Variants in USP50 observed in about 807,000 individuals in gnomAD.
USP50 encodes the protein ubiquitin specific peptidase 50.
USP50 carries 37 observed loss-of-function variants against 39.2 expected under a neutral mutation model. That is an observed-to-expected ratio of 0.94 (90% CI 0.73 to 1.24). The LOEUF (loss-of-function observed/expected upper bound fraction) is 1.24. Ranked by LOEUF, USP50 falls within the 50% of genes most tolerant of loss-of-function variation. The pLI is 0.00. For missense variants in USP50, 374 were observed against 398.2 expected, an observed-to-expected ratio of 0.94 and a Z score of 0.52; for synonymous variants, 139 against 144.5, an observed-to-expected ratio of 0.96 and a Z score of 0.27.
At chr15:50,532,031 CAGAAACCTCT>C in intron 5 of USP50, 1 of 431,264 alleles carries the variant, frequency 2.3e-6, no homozygotes, top group Non-Finnish European at 4.6e-6. Context: ...AACTGCCGAG[CAGAAACCTCT>C]GAGGGAACAG....
At chr15:50,509,563 A>C (rs979606788) in intron 6 of USP50, 6 of 151,040 alleles carry the variant, frequency 4.0e-5, no homozygotes, top group Admixed American at 2.0e-4. Flanking sequence ...CAGGAGAATG[A>C]CTTGAACCCG....
intron 6 of USP50, among the ~76,000 whole-genome samples, chr15:50,527,826 G>A (rs1451592514): frequency 2.0e-5 from 3 of 151,502 alleles, no homozygotes; most frequent in Admixed American, 6.6e-5. Context: ...TAGTAGAGAC[G>A]GGGTTTCACC....
intron 5 of USP50, among the ~76,000 whole-genome samples, chr15:50,532,671 G>A (rs960104907): frequency 6.6e-6 from 1 of 152,166 alleles, no homozygotes; most frequent in African/African-American, 2.4e-5. Context: ...AGATAGCGCA[G>A]GGGTGTGGGA....
chr15:50,503,788 A>G (rs2052622240), intron 6 of USP50: 2 of 152,240 alleles, frequency 1.3e-5, no homozygotes. Flanking sequence ...CAGACCTAAC[A>G]GGATATCCAC....
At chr15:50,531,727 T>C (rs919964526) in intron 5 of USP50, among the ~76,000 whole-genome samples, 1 of 151,848 alleles carries the variant, frequency 6.6e-6, no homozygotes, top group Non-Finnish European at 1.5e-5. Flanking sequence ...TTGAAGGGGC[T>C]CCCACTGGCC....
chr15:50,531,312 C>T (rs556621334), intron 5 of USP50, among the ~76,000 whole-genome samples: 1 of 152,250 alleles, frequency 6.6e-6, no homozygotes, highest in South Asian at 2.1e-4. Flanking sequence ...CTGTAAACAA[C>T]CCAAACGTCC....
intron 6 of USP50, chr15:50,508,305 TTAAAAA>T (rs1042571731): frequency 3.3e-5 from 5 of 152,290 alleles, no homozygotes; most frequent in Admixed American, 2.0e-4. Context: ...TGAGAATGTC[TTAAAAA>T]TAATACGATG....
At position 50,526,345 on chromosome 15, in the gene USP50, C is replaced by A. The variant is rs145322375; in HGVS notation, c.936+3452G>T. 4.0e-3 allele frequency among the ~76,000 whole-genome samples: 610 copies of A among 152,268 alleles called. 5 individuals carry two copies. Among genetic ancestry groups the A allele is most frequent in the African/African-American group, 0.014 (576 of 41,552 alleles). ...AAAGTGCTGGGACTACAGGCGTGAG[C>A]CACTGCTCCTGGCCTGTATTTTATT... On this transcript the variant is annotated intron_variant, in intron 6 of 6. Transcript: ENST00000532404.
intron 6 of USP50, chr15:50,508,893 G>A (rs1042740638): frequency 2.0e-5 from 3 of 151,656 alleles, no homozygotes; most frequent in Middle Eastern, 6.4e-3. Flanking sequence ...CCAGCACTTT[G>A]GGAGGCCGAG....
intron 6 of USP50, among the ~76,000 whole-genome samples, chr15:50,522,662 TTTTTA>T (rs2052859402): frequency 6.6e-6 from 1 of 152,092 alleles, no homozygotes; most frequent in African/African-American, 2.4e-5. Flanking sequence ...AACATCATAT[TTTTTA>T]TTTTATTTTT....
At chr15:50,515,398 C>T (rs755610455) in intron 6 of USP50, among the ~76,000 whole-genome samples, 10 of 152,044 alleles carry the variant, frequency 6.6e-5, no homozygotes, top group South Asian at 2.1e-4. Context: ...TGTGCCACCA[C>T]GCCCGGCTAA....
chr15:50,493,159 G>A (rs1000094384), downstream of USP50: 8 of 578,794 alleles, frequency 1.4e-5, no homozygotes, highest in Admixed American at 2.2e-5. Flanking sequence ...GGACAGACTC[G>A]TCCTGTCGAG....
chr15:50,546,231 T>C (rs1182416429), intron 1 of USP50, among the ~76,000 whole-genome samples: 1 of 152,194 alleles, frequency 6.6e-6, no homozygotes, highest in Admixed American at 6.5e-5. Context: ...TTCACTGTTA[T>C]AAGCATGGTC....
intron 6 of USP50, among the ~76,000 whole-genome samples, chr15:50,515,656 A>G (rs200201314): frequency 2.5e-4 from 15 of 60,380 alleles, no homozygotes; most frequent in Admixed American, 1.6e-3. Context: ...ATATGTGTAT[A>G]TATATATATA....
chr15:50,544,633 G>T lies in USP50; in HGVS notation c.202C>A (p.Leu68Met). 6.2e-7 allele frequency: 1 copy of T among 1,613,818 alleles called. No homozygotes were observed. The change falls in exon 2 of 7, where the codon CTG becomes ATG. Residue 68 changes from leucine to methionine, a missense_variant. Leu to Met is a conservative substitution (Grantham distance 15, BLOSUM62 2). Transcript: ENST00000532404. Reference sequence around the variant, plus strand: ...TTCCCGGTGAGAAAGTATTCCACCAGCGGCAAGATGCTGCAGAGACACTGT... The same window carrying T: ...TTCCCGGTGAGAAAGTATTCCACCATCGGCAAGATGCTGCAGAGACACTGT... ...ISQCLCSILPLVEYFLTGKYI... is the reference protein window; with the variant it reads ...ISQCLCSILPMVEYFLTGKYI...
chr15:50,529,559 T>A (rs1308558747), intron 6 of USP50, among the ~76,000 whole-genome samples: 1 of 152,128 alleles, frequency 6.6e-6, no homozygotes, highest in African/African-American at 2.4e-5. Flanking sequence ...ATTTGCAGTA[T>A]CCTTAGATCT....
chr15:50,525,048 T>A (rs934093869), intron 6 of USP50, among the ~76,000 whole-genome samples: 5 of 152,228 alleles, frequency 3.3e-5, no homozygotes, highest in African/African-American at 1.2e-4. Context: ...TGTCAGTGGA[T>A]AAATGAATAA....
At chr15:50,513,518 TAAAAAAAAAAAA>T (rs35523535) in intron 6 of USP50, 1 of 85,980 alleles carries the variant, frequency 1.2e-5, no homozygotes, top group Non-Finnish European at 2.3e-5. Context: ...CGAAACTGTC[TAAAAAAAAAAAA>T]AAAAAAAAGA....
intron 5 of USP50, chr15:50,531,987 C>A: frequency 2.7e-6 from 1 of 372,800 alleles, no homozygotes; most frequent in Non-Finnish European, 5.3e-6. Context: ...AACAGACCAG[C>A]AAACATAGAG....
Sources: gnomAD v4.1 joint callset for allele counts (sites outside exome capture counted in the v4.1 genomes callset) on GRCh38, gnomAD v4.1.1 for gene constraint, MANE v1.5 for transcripts, NCBI Gene and HGNC (gene_info 2026-07-23, HGNC 2026-07-21) for gene names.